Variants in ANKRD13C observed in about 807,000 individuals in gnomAD.
ANKRD13C encodes ankyrin repeat domain-containing protein 13C.
A neutral mutation model predicts 65.5 loss-of-function variants in ANKRD13C; 16 were observed. That is an observed-to-expected ratio of 0.24 (90% CI 0.17 to 0.37). The LOEUF (loss-of-function observed/expected upper bound fraction) is 0.37, where lower values mean the gene tolerates loss of function less well. ANKRD13C is among the 10% of genes least tolerant of loss of function. The pLI is 1.00. For missense variants in ANKRD13C, 503 were observed against 655.9 expected, an observed-to-expected ratio of 0.77 and a Z score of 2.55; for synonymous variants, 235 against 238.7, an observed-to-expected ratio of 0.98 and a Z score of 0.14.
rs184250940 is a variant in ANKRD13C, at chr1:70,337,008, A to G, written c.431-909T>C. ...ATTTGCTAAATTTCACATATCAGCA[A>G]TTTTACGAAAGTCATCACATTAACA... On this transcript the variant is annotated intron_variant, in intron 1 of 12. Transcript: ENST00000370944. Among the ~76,000 whole-genome samples the G allele has an allele frequency of 3.7e-3, 570 of 152,286 alleles. 6 individuals are homozygous for G. The highest frequency in any genetic ancestry group is 0.013 in the African/African-American group (548 of 41,558).
In ANKRD13C at chr1:70,305,428, T is replaced by C. The variant is rs571337559; in HGVS notation, c.776+796A>G. On this transcript the variant is annotated intron_variant, in intron 6 of 12. Transcript: ENST00000370944. ...TTATATGAGATAATCCTTCAAGTTATTTCTAGTTCTAGACCCTTAAACTTT... is the reference window on the plus strand; with the variant it reads ...TTATATGAGATAATCCTTCAAGTTACTTCTAGTTCTAGACCCTTAAACTTT... Among the ~76,000 whole-genome samples, 6 of 152,264 alleles carry C rather than the reference T, an allele frequency of 3.9e-5. No homozygotes were observed. The South Asian group carries it at 6.2e-4, about 16-fold the overall frequency.
At chr1:70,319,088 T>A (rs977161253) in intron 3 of ANKRD13C, among the ~76,000 whole-genome samples, 57 of 152,316 alleles carry the variant, frequency 3.7e-4, no homozygotes, top group African/African-American at 1.3e-3. Context: ...GTTCTAAATA[T>A]CTCTTGCCTC....
At chr1:70,331,051 A>G (rs1274582454) in intron 2 of ANKRD13C, among the ~76,000 whole-genome samples, 1 of 152,192 alleles carries the variant, frequency 6.6e-6, no homozygotes, top group Non-Finnish European at 1.5e-5. Flanking sequence ...GATGAGTGAG[A>G]GAAGGAAAGC....
At chr1:70,313,954 A>G (rs1182401669) in intron 4 of ANKRD13C, among the ~76,000 whole-genome samples, 164 bp from the exon 5 acceptor site, 1 of 152,056 alleles carries the variant, frequency 6.6e-6, no homozygotes, top group Non-Finnish European at 1.5e-5. Context: ...ATTACATAGT[A>G]ACATATCTGA....
rs145397186 is a variant in ANKRD13C, at chr1:70,264,710, T to C, written c.1496-1863A>G. On this transcript the variant is annotated intron_variant, in intron 12 of 12. Coordinates refer to ENST00000370944, the MANE Select transcript of ANKRD13C (RefSeq NM_030816.5). ...TAGGTTTTGGATACACATCACTAAA[T>C]AAGAAACAAAATTCATGCAATTATA... 3.9e-3 allele frequency among the ~76,000 whole-genome samples: 600 copies of C among 152,120 alleles called. 5 individuals are homozygous for C. Among genetic ancestry groups the C allele is most frequent in the African/African-American group, 0.013 (554 of 41,510 alleles).
chr1:70,306,037 TAA>T (rs1460752248), intron 6 of ANKRD13C, 185 bp downstream of exon 6: 1 of 320,890 alleles, frequency 3.1e-6, no homozygotes, highest in African/African-American at 2.2e-5. Context: ...CTCTAAGTAA[TAA>T]AAAAATAAAA....
intron 3 of ANKRD13C, among the ~76,000 whole-genome samples, chr1:70,322,182 G>A (rs994072875): frequency 1.3e-5 from 2 of 152,012 alleles, no homozygotes; most frequent in African/African-American, 4.8e-5. Flanking sequence ...GGGCACTGTG[G>A]CAGGTGCCTG....
chr1:70,285,133 A>G (rs1048674972), intron 9 of ANKRD13C, among the ~76,000 whole-genome samples: 2 of 148,204 alleles, frequency 1.3e-5, no homozygotes, highest in Non-Finnish European at 3.0e-5. Flanking sequence ...ATTTGTTCTT[A>G]TATTGTCAGC....
intron 7 of ANKRD13C, among the ~76,000 whole-genome samples, chr1:70,298,273 C>A (rs1261949451): frequency 6.6e-6 from 1 of 152,106 alleles, no homozygotes; most frequent in Non-Finnish European, 1.5e-5. Flanking sequence ...ACTTTTGGAA[C>A]AGAATTCTTA....
intron 12 of ANKRD13C, among the ~76,000 whole-genome samples, chr1:70,265,319 A>C (rs888913914): frequency 5.9e-5 from 9 of 152,194 alleles, no homozygotes; most frequent in Non-Finnish European, 1.5e-5. Context: ...AGGAAAATGC[A>C]ATGACTTGTC....
In ANKRD13C at chr1:70,260,403, T is replaced by C. The variant is rs78766562; in HGVS notation, c.*2314A>G. Among the ~76,000 whole-genome samples, 57 of 152,286 alleles carry C rather than the reference T, an allele frequency of 3.7e-4. 1 individual carries two copies. The highest frequency in any genetic ancestry group is 1.7e-3 in the East Asian group (9 of 5,188). On this transcript the variant is annotated 3_prime_UTR_variant, in exon 13 of 13. Coordinates refer to ENST00000370944, the MANE Select transcript of ANKRD13C (RefSeq NM_030816.5). Reference sequence around the variant, plus strand: ...GAAGATGACTATACGATTGTCCCCCTACCAATTTAAACAGTTTCAAAATCA... The same window carrying C: ...GAAGATGACTATACGATTGTCCCCCCACCAATTTAAACAGTTTCAAAATCA...
Position 70,309,732 on chromosome 1 carries a change from A to AAAAAT in ANKRD13C, c.710-3443_710-3442insATTTT, listed in dbSNP as rs1553248051. Among the ~76,000 whole-genome samples the AAAAAT allele has an allele frequency of 5.6e-5, 6 of 107,092 alleles. No homozygotes were observed. In the East Asian group the frequency reaches 1.4e-3, roughly 25 times the overall value. 70.3% of individuals were successfully genotyped at this position (107,092 alleles called of 152,430 possible). ...CTCCGTCGCAAAAAAAAAAAAAAAA[A>AAAAAT]AATAATAATAATAATAATATACAAA... On this transcript the variant is annotated intron_variant, in intron 5 of 12. Coordinates refer to ENST00000370944, the MANE Select transcript of ANKRD13C (RefSeq NM_030816.5).
chr1:70,264,554 C>G (rs1217285013), intron 12 of ANKRD13C, among the ~76,000 whole-genome samples: 1 of 145,284 alleles, frequency 6.9e-6, no homozygotes, highest in African/African-American at 2.5e-5. Flanking sequence ...TGGAACACAA[C>G]ATGCCCACTC....
At chr1:70,304,118 T>A (rs1283380580) in intron 6 of ANKRD13C, among the ~76,000 whole-genome samples, 3 of 152,182 alleles carry the variant, frequency 2.0e-5, no homozygotes, top group Non-Finnish European at 4.4e-5. Flanking sequence ...CTCGGCTCAC[T>A]GTAGCCTCAA....
At chr1:70,320,910 C>T (rs373311831) in intron 3 of ANKRD13C, among the ~76,000 whole-genome samples, 15 of 152,202 alleles carry the variant, frequency 9.9e-5, no homozygotes, top group African/African-American at 3.4e-4. Flanking sequence ...CCACCTCAGG[C>T]TCCCGCGTAG....
intron 12 of ANKRD13C, among the ~76,000 whole-genome samples, chr1:70,270,249 A>G (rs996411465): frequency 1.3e-5 from 2 of 152,208 alleles, no homozygotes; most frequent in African/African-American, 4.8e-5. Flanking sequence ...CATGAAAAAC[A>G]TTATTACAAT....
chr1:70,314,247 C>T (rs1239149993), intron 4 of ANKRD13C, among the ~76,000 whole-genome samples: 4 of 151,060 alleles, frequency 2.6e-5, no homozygotes, highest in African/African-American at 9.7e-5. Flanking sequence ...GAGATGCAGT[C>T]TCACTCCATC....
intron 9 of ANKRD13C, among the ~76,000 whole-genome samples, chr1:70,281,284 T>C (rs1444526063): frequency 6.6e-6 from 1 of 152,130 alleles, no homozygotes; most frequent in Non-Finnish European, 1.5e-5. Flanking sequence ...GTTCTCCCAT[T>C]AGTCTTTGTG....
rs111512289 is a variant in ANKRD13C at position 70,354,497 on chromosome 1, T to A, written c.-89A>T. The A allele has an allele frequency of 2.0e-5, 29 of 1,481,006 alleles. No individual in the cohort carries two copies. The African/African-American group carries it at 2.9e-4, about 15-fold the overall frequency. The allele number at this position is 1,481,006 out of a possible 1,614,324, so 91.7% of individuals were successfully genotyped here. On this transcript the variant is annotated 5_prime_UTR_variant, in exon 1 of 13. Transcript: ENST00000370944. ...CGGCGGCACAAGGCGATTAGAGCGG[T>A]GGCCAAGAGCCTCCAGCGCAGCATG... is the stretch of plus-strand genomic sequence containing the variant.
Sources: gnomAD v4.1 joint callset for allele counts (sites outside exome capture counted in the v4.1 genomes callset) on GRCh38, gnomAD v4.1.1 for gene constraint, MANE v1.5 for transcripts, NCBI Gene and HGNC (gene_info 2026-07-23, HGNC 2026-07-21) for gene names.